CNKSR3: variants seen among roughly 807,000 people sequenced by gnomAD.
CNKSR3 encodes CNKSR family member 3, also known as connector enhancer of kinase suppressor of ras 3.
CNKSR3 carries 36 observed loss-of-function variants against 67.7 expected under a neutral mutation model. That is an observed-to-expected ratio of 0.53 (90% CI 0.41 to 0.70). CNKSR3 has a LOEUF of 0.70. CNKSR3 is among the 30% of genes least tolerant of loss of function. The pLI, the probability that CNKSR3 is intolerant of heterozygous loss-of-function variation, is 0.00. For synonymous variants in CNKSR3, 281 were observed against 271.4 expected, an observed-to-expected ratio of 1.04 and a Z score of -0.35; for missense variants, 630 against 695.2, an observed-to-expected ratio of 0.91 and a Z score of 1.05.
chr6:154,492,782 A>T (rs1053172098), intron 1 of CNKSR3, among the ~76,000 whole-genome samples: 10 of 150,950 alleles, frequency 6.6e-5, no homozygotes, highest in Admixed American at 3.3e-4. Flanking sequence ...AAAAAACAAC[A>T]CAGATCTTTC....
chr6:154,474,330 T>C, intron 1 of CNKSR3, among the ~76,000 whole-genome samples: 1 of 151,236 alleles, frequency 6.6e-6, no homozygotes, highest in South Asian at 2.1e-4. Flanking sequence ...GGGGAATCGC[T>C]TGAACCCGGG....
At chr6:154,466,199 G>C (rs1786194913) in intron 1 of CNKSR3, among the ~76,000 whole-genome samples, 1 of 152,212 alleles carries the variant, frequency 6.6e-6, no homozygotes, top group Non-Finnish European at 1.5e-5. Flanking sequence ...CAAAAGCAGG[G>C]AGAGAGAAAC....
intron 1 of CNKSR3, among the ~76,000 whole-genome samples, chr6:154,477,113 C>A (rs1786467979): frequency 6.6e-6 from 1 of 151,942 alleles, no homozygotes; most frequent in South Asian, 2.1e-4. Context: ...ATTTAAGGAC[C>A]TAAAAAAACC....
chr6:154,423,958 C>T (rs1260327896), intron 7 of CNKSR3, among the ~76,000 whole-genome samples: 2 of 152,034 alleles, frequency 1.3e-5, no homozygotes, highest in East Asian at 1.9e-4. Context: ...ATAGGCCGGG[C>T]GCGGTGCCTC....
At chr6:154,433,713 T>C (rs145847912) in intron 4 of CNKSR3, 1 of 507,132 alleles carries the variant, frequency 2.0e-6, no homozygotes, top group Non-Finnish European at 3.5e-6. Flanking sequence ...GGTCCTGCTC[T>C]CCCCTGACCT....
At chr6:154,499,672 G>A (rs1334055163) in intron 1 of CNKSR3, among the ~76,000 whole-genome samples, 1 of 152,110 alleles carries the variant, frequency 6.6e-6, no homozygotes, top group Admixed American at 6.5e-5. Context: ...GTCTCACTAT[G>A]TTGCCCAAGT....
chr6:154,465,113 C>A (rs1301694492), intron 1 of CNKSR3, among the ~76,000 whole-genome samples: 1 of 140,338 alleles, frequency 7.1e-6, no homozygotes, highest in African/African-American at 2.7e-5. Context: ...TGCACTCCAG[C>A]CTGGGCAACT....
chr6:154,400,786 T>C lies in CNKSR3; in HGVS notation c.*5568A>G, dbSNP rs896228995. On this transcript the variant is annotated 3_prime_UTR_variant, in exon 13 of 13. Transcript: ENST00000607772. ...ATGTAAAAGGTACCCTTTGTCAAAT[T>C]AGCACACTTCTGGCAATAATTCTGG... 2 of 152,210 alleles carry C rather than the reference T, an allele frequency of 1.3e-5. No homozygotes were observed. Among genetic ancestry groups the C allele is most frequent in the Admixed American group, 6.5e-5 (1 of 15,276 alleles). The allele number at this position is 152,210 out of a possible 1,614,324, so 9.4% of individuals were successfully genotyped here.
At chr6:154,503,640 T>TA (rs11340696) in intron 1 of CNKSR3, among the ~76,000 whole-genome samples, 16,511 of 143,706 alleles carry the variant, frequency 0.11, 1,070 homozygotes, top group Admixed American at 0.18. Context: ...GCCTCTTATT[T>TA]AAAAAAAAAA....
intron 4 of CNKSR3, among the ~76,000 whole-genome samples, chr6:154,435,797 T>C (rs1174797767): frequency 6.6e-6 from 1 of 152,254 alleles, no homozygotes; most frequent in Non-Finnish European, 1.5e-5. Context: ...TCTCCTCCTA[T>C]TCTGCCTTCT....
intron 2 of CNKSR3, among the ~76,000 whole-genome samples, chr6:154,445,727 T>C (rs1343574057): frequency 2.6e-5 from 4 of 152,224 alleles, no homozygotes. Flanking sequence ...TGGCTTCTTA[T>C]AACTGGTTCT....
rs1785168332 is a variant in CNKSR3 at position 154,422,581 on chromosome 6, C to T, written c.870G>A (p.Lys290=). The change falls in exon 9 of 13, where the codon AAG becomes AAA. Residue 290 remains lysine, a synonymous_variant. Transcript: ENST00000607772. The stretch of plus-strand genomic sequence containing the variant: ...AGTTGAAAGACCCGGTGGGGCGCTT[C>T]TTAAGCAGTAACACAACTCCGGTGG... The part of the protein sequence containing the change: ...ENPTGVVLLL[K]KRPTGSFNFT... The T allele has an allele frequency of 1.9e-6, 3 of 1,613,994 alleles. No individual in the cohort carries two copies. Among genetic ancestry groups the T allele is most frequent in the Non-Finnish European group, 2.5e-6 (3 of 1,179,986 alleles).
chr6:154,482,180 T>C (rs1786579901), intron 1 of CNKSR3, among the ~76,000 whole-genome samples: 1 of 152,236 alleles, frequency 6.6e-6, no homozygotes, highest in South Asian at 2.1e-4. Context: ...ATTCTCCCTA[T>C]GCCTAAGGGA....
chr6:154,507,580 G>A (rs1787126582), intron 1 of CNKSR3, among the ~76,000 whole-genome samples: 1 of 152,088 alleles, frequency 6.6e-6, no homozygotes, highest in Non-Finnish European at 1.5e-5. Flanking sequence ...TCAAGTAATG[G>A]GTCACGCAAC....
chr6:154,422,375 A>C (rs913329947), intron 9 of CNKSR3, 131 bp downstream of exon 9: 5 of 804,826 alleles, frequency 6.2e-6, no homozygotes, highest in African/African-American at 1.7e-5. Flanking sequence ...TCACATAGGC[A>C]GGAGTATAGG....
intron 2 of CNKSR3, among the ~76,000 whole-genome samples, chr6:154,446,663 T>G (rs1379670045): frequency 6.6e-6 from 1 of 152,186 alleles, no homozygotes; most frequent in Non-Finnish European, 1.5e-5. Flanking sequence ...GGTAGCATCA[T>G]TTAACACATG....
rs1784664657 is a variant in CNKSR3, at chr6:154,396,771, A to G, written c.*9583T>C. On this transcript the variant is annotated 3_prime_UTR_variant, in exon 13 of 13. Coordinates refer to ENST00000607772, the MANE Select transcript of CNKSR3 (RefSeq NM_173515.4). ...AAGTGCTAAGTAAGGGGTTTAAGGA[A>G]AGCATCAGCAAAAATTCACTAATTG... 1 of 152,042 alleles carries G rather than the reference A, an allele frequency of 6.6e-6. No homozygotes were observed. The highest frequency in any genetic ancestry group is 1.5e-5 in the Non-Finnish European group (1 of 68,024). 9.4% of individuals were successfully genotyped at this position (152,042 alleles called of 1,614,324 possible). A position where few individuals can be genotyped will look rare whatever the true frequency, so the allele number is the denominator to read the frequency against.
chr6:154,416,680 T>G (rs1785030582), intron 9 of CNKSR3, among the ~76,000 whole-genome samples: 1 of 152,116 alleles, frequency 6.6e-6, no homozygotes, highest in South Asian at 2.1e-4. Context: ...CTGAGAAGGG[T>G]GGGTGCCCAG....
chr6:154,484,001 G>A (rs1249594155), intron 1 of CNKSR3, among the ~76,000 whole-genome samples: 1 of 152,170 alleles, frequency 6.6e-6, no homozygotes. Context: ...GGTTTTATGG[G>A]ATCTGGGGAA....
Sources: allele counts gnomAD v4.1 joint callset (sites outside exome capture counted in the v4.1 genomes callset), GRCh38; gene constraint gnomAD v4.1.1; transcripts MANE v1.5; gene names NCBI Gene and HGNC (gene_info 2026-07-23, HGNC 2026-07-21).